MGST2: variants seen among roughly 807,000 people sequenced by gnomAD.
The protein encoded by MGST2 is microsomal glutathione S-transferase 2, also known as glutathione peroxidase MGST2.
Under a neutral mutation model 16.6 loss-of-function variants are expected in MGST2, and 9 were observed. The observed-to-expected ratio is 0.54, with a 90% CI of 0.33 to 0.95. MGST2 has a LOEUF of 0.95. MGST2 is among the 40% of genes least tolerant of loss of function. MGST2 has a pLI of 0.03. For synonymous variants in MGST2, 79 were observed against 68.0 expected (o/e 1.16, Z -0.79); for missense variants, 159 against 175.1 (o/e 0.91, Z 0.52).
At chr4:139,737,426 G>A (rs1728989378) in intron 5 of MGST2, among the ~76,000 whole-genome samples, 1 of 151,846 alleles carries the variant, frequency 6.6e-6, no homozygotes, top group Non-Finnish European at 1.5e-5. Flanking sequence ...TCTAAATTGA[G>A]CGGACCACCC....
chr4:139,730,733 AGCCCCTGG>A, intron 5 of MGST2: 1 of 1,464,236 alleles, frequency 6.8e-7, no homozygotes, highest in Admixed American at 2.0e-5. Flanking sequence ...TTTGAAGGGA[AGCCCCTGG>A]AAAAAGGGAA....
intron 2 of MGST2, among the ~76,000 whole-genome samples, chr4:139,689,148 G>T (rs1269941272): frequency 7.5e-5 from 11 of 147,482 alleles, no homozygotes. Flanking sequence ...CAAAATGACA[G>T]AGTGACTCTG....
At chr4:139,672,614 G>A (rs892838831) in intron 1 of MGST2, among the ~76,000 whole-genome samples, 2 of 150,276 alleles carry the variant, frequency 1.3e-5, no homozygotes, top group African/African-American at 4.9e-5. Context: ...ACAGTGGTGC[G>A]ATCTCAGCTC....
chr4:139,707,684 T>A (rs1727574514), downstream of MGST2, among the ~76,000 whole-genome samples: 1 of 150,176 alleles, frequency 6.7e-6, no homozygotes, highest in Non-Finnish European at 1.5e-5. Flanking sequence ...AGTGTAAAAG[T>A]GTTCCTATTT....
intron 5 of MGST2, among the ~76,000 whole-genome samples, chr4:139,727,046 G>A (rs949093678): frequency 6.6e-6 from 1 of 152,178 alleles, no homozygotes; most frequent in Non-Finnish European, 1.5e-5. Context: ...GTTCTTTAGA[G>A]TGTTCATTAT....
chr4:139,746,273 T>A, the MGST2 span, among the ~76,000 whole-genome samples: 1 of 152,188 alleles, frequency 6.6e-6, no homozygotes, highest in African/African-American at 2.4e-5. Context: ...GAGATGGTAA[T>A]AAGAATAATT....
At chr4:139,691,610 C>G (rs1169778300) in intron 2 of MGST2, among the ~76,000 whole-genome samples, 9 of 152,034 alleles carry the variant, frequency 5.9e-5, no homozygotes, top group Non-Finnish European at 1.3e-4. Flanking sequence ...GGTGCTTTCA[C>G]CAGGCAGGCA....
In MGST2 at chr4:139,732,758, T is replaced by A. The variant is rs1210789581; in HGVS notation, c.*49-7454T>A. On this transcript the variant is annotated intron_variant, in intron 5 of 5. Coordinates refer to the MGST2 transcript ENST00000616265. ...ACTAGCTCAGGCCTCTCCCAGGCAG[T>A]GTCTTCATGGTGTTAAGTGTGCACC... Among the ~76,000 whole-genome samples, 4 of 152,222 alleles carry A rather than the reference T, an allele frequency of 2.6e-5. No homozygotes were observed. The East Asian group carries it at 7.7e-4, about 29-fold the overall frequency.
the MGST2 span, among the ~76,000 whole-genome samples, chr4:139,753,245 C>T: frequency 5.3e-5 from 8 of 152,080 alleles, no homozygotes; most frequent in African/African-American, 1.2e-4. Context: ...GTTGTGTGAT[C>T]GATACCATGA....
At chr4:139,744,222 G>A (rs77396603), downstream of MGST2, among the ~76,000 whole-genome samples, 817 of 152,316 alleles carry the variant, frequency 5.4e-3, 5 homozygotes, top group African/African-American at 0.018. Flanking sequence ...AGAGGTTCAG[G>A]GATCTGGTTT....
intron 2 of MGST2, among the ~76,000 whole-genome samples, chr4:139,687,026 C>T (rs1731601414): frequency 6.6e-6 from 1 of 152,176 alleles, no homozygotes; most frequent in African/African-American, 2.4e-5. Context: ...ATCCTCTTGT[C>T]CCAGGAATAA....
rs1728885927 is a variant in MGST2, at chr4:139,735,194, A to G, written c.*49-5018A>G. On this transcript the variant is annotated intron_variant, in intron 5 of 5. Coordinates refer to the MGST2 transcript ENST00000616265. The surrounding 1 kb of genome is among the most constrained non-coding windows in gnomAD (Gnocchi z 5.8). ...ACAATACCGAGCAGATGGTGTTCGC[A>G]CGGCGTGATGGACATCACACACGAC... 6.6e-6 allele frequency among the ~76,000 whole-genome samples: 1 copy of G among 152,236 alleles called. No individual in the cohort carries two copies. Among genetic ancestry groups the G allele is most frequent in the African/African-American group, 2.4e-5 (1 of 41,468 alleles).
chr4:139,752,705 A>G, the MGST2 span, among the ~76,000 whole-genome samples: 1 of 152,250 alleles, frequency 6.6e-6, no homozygotes. Context: ...ATGTGTACAG[A>G]TAAGAAGAAA....
At position 139,704,139 on chromosome 4, in the gene MGST2, G is replaced by A; in HGVS notation, c.435G>A (p.Arg145=). ...TCAATATTGCCAAGAAACTGAGGCGGCAATTCTAACTTTTTCTCTTCCCTT... is the reference window on the plus strand; with the variant it reads ...TCAATATTGCCAAGAAACTGAGGCGACAATTCTAACTTTTTCTCTTCCCTT... The part of the protein sequence containing the change: ...LDLNIAKKLR[R]QF The change falls in exon 5 of 5, where the codon CGG becomes CGA. Residue 145 remains arginine (R), a synonymous_variant. Coordinates refer to ENST00000265498, the MANE Select transcript of MGST2 (RefSeq NM_002413.5). 1 of 1,614,144 alleles carries A rather than the reference G, an allele frequency of 6.2e-7. No individual in the cohort carries two copies. Among genetic ancestry groups the A allele is most frequent in the South Asian group, 1.1e-5 (1 of 91,080 alleles).
intron 5 of MGST2, among the ~76,000 whole-genome samples, chr4:139,736,759 CT>C (rs896526579): frequency 1.1e-4 from 17 of 152,114 alleles, no homozygotes; most frequent in African/African-American, 3.9e-4. Context: ...TGAATTAGAA[CT>C]TTTGGGGGTG....
intron 3 of MGST2, among the ~76,000 whole-genome samples, chr4:139,702,392 G>C (rs1030155806): frequency 6.6e-6 from 1 of 151,976 alleles, no homozygotes; most frequent in African/African-American, 2.4e-5. Flanking sequence ...CATCAGTTAG[G>C]TTTGTCCATT....
At chr4:139,725,962 T>C (rs894511516) in intron 5 of MGST2, 42 of 738,458 alleles carry the variant, frequency 5.7e-5, no homozygotes, top group Non-Finnish European at 8.9e-5. Context: ...AAGAATCATA[T>C]GCATACAGGC....
chr4:139,752,686 C>A, the MGST2 span, among the ~76,000 whole-genome samples: 1 of 151,908 alleles, frequency 6.6e-6, no homozygotes, highest in Non-Finnish European at 1.5e-5. Flanking sequence ...ATATTTCTCC[C>A]GAGAGAGCAT....
the MGST2 span, among the ~76,000 whole-genome samples, chr4:139,752,448 C>G: frequency 6.6e-6 from 1 of 152,166 alleles, no homozygotes; most frequent in Non-Finnish European, 1.5e-5. Flanking sequence ...TAGCCTGGCT[C>G]TCTCTGTGCT....
Sources: gnomAD v4.1 joint callset for allele counts (sites outside exome capture counted in the v4.1 genomes callset) on GRCh38, gnomAD v4.1.1 for gene constraint, Gnocchi (gnomAD v3.1) non-coding constraint, MANE v1.5 for transcripts, NCBI Gene and HGNC (gene_info 2026-07-23, HGNC 2026-07-21) for gene names.